GALNT13: variants seen among roughly 807,000 people sequenced by gnomAD.
The protein encoded by GALNT13 is UDP-GalNAc:polypeptide N-acetylgalactosaminyltransferase 13.
A neutral mutation model predicts 64.2 loss-of-function variants in GALNT13; 28 were observed. That is an observed-to-expected ratio of 0.44 (90% CI 0.32 to 0.60). The LOEUF (loss-of-function observed/expected upper bound fraction) is 0.60, where lower values mean the gene tolerates loss of function less well. Ranked by LOEUF, GALNT13 falls within the 20% of genes least tolerant of loss-of-function variation. The pLI is 0.05. For missense variants in GALNT13, 577 were observed against 669.8 expected, an observed-to-expected ratio of 0.86 and a Z score of 1.53; for synonymous variants, 214 against 224.6, an observed-to-expected ratio of 0.95 and a Z score of 0.42.
chr2:154,153,355 A>C (rs922995370), intron 4 of GALNT13, among the ~76,000 whole-genome samples: 2 of 152,122 alleles, frequency 1.3e-5, no homozygotes, highest in African/African-American at 4.8e-5. Flanking sequence ...GGTGCCTCCC[A>C]GTTAGGCTGC....
chr2:153,235,242 C>T, the GALNT13 span, among the ~76,000 whole-genome samples: 3 of 152,246 alleles, frequency 2.0e-5, no homozygotes, highest in African/African-American at 4.8e-5. Context: ...TAAGTATACT[C>T]AGTGGCCCAG....
At chr2:154,118,982 T>TA (rs770395419) in intron 3 of GALNT13, among the ~76,000 whole-genome samples, 1 of 152,148 alleles carries the variant, frequency 6.6e-6, no homozygotes, top group Non-Finnish European at 1.5e-5. Context: ...TTACACACCT[T>TA]ACACACACAT....
chr2:153,378,531 C>T, the GALNT13 span, among the ~76,000 whole-genome samples: 4 of 152,020 alleles, frequency 2.6e-5, no homozygotes, highest in Non-Finnish European at 4.4e-5. Flanking sequence ...GGCTGACCTC[C>T]GTAGGTCACT....
At chr2:154,179,824 T>TA (rs56303526) in intron 4 of GALNT13, among the ~76,000 whole-genome samples, 1,680 of 126,484 alleles carry the variant, frequency 0.013, 26 homozygotes, top group African/African-American at 0.038. Context: ...TCTTCCATGA[T>TA]AAAAAAAAAA....
At chr2:153,995,285 T>G (rs1016977766) in intron 3 of GALNT13, among the ~76,000 whole-genome samples, 1 of 152,146 alleles carries the variant, frequency 6.6e-6, no homozygotes, top group Non-Finnish European at 1.5e-5. Flanking sequence ...ATTTAATAAA[T>G]AAAATTGAAC....
At chr2:154,006,326 TG>T (rs1696247690) in intron 3 of GALNT13, among the ~76,000 whole-genome samples, 1 of 152,136 alleles carries the variant, frequency 6.6e-6, no homozygotes, top group Non-Finnish European at 1.5e-5. Context: ...CTTGGGGTTG[TG>T]GGGTATTGTA....
At chr2:153,562,060 C>CTCTCTCTGTGTGTGTG in the GALNT13 span, among the ~76,000 whole-genome samples, 1 of 118,902 alleles carries the variant, frequency 8.4e-6, no homozygotes, top group African/African-American at 3.8e-5. Flanking sequence ...CTCTCTCTCT[C>CTCTCTCTGTGTGTGTG]TGTGTGTGTG....
At chr2:154,147,912 A>AT (rs1683718163) in intron 4 of GALNT13, among the ~76,000 whole-genome samples, 1 of 144,380 alleles carries the variant, frequency 6.9e-6, no homozygotes. Flanking sequence ...TTTTGCTTTT[A>AT]TTTTTTATTT....
chr2:154,368,696 C>A (rs570904149), intron 9 of GALNT13, among the ~76,000 whole-genome samples: 1 of 152,028 alleles, frequency 6.6e-6, no homozygotes, highest in Non-Finnish European at 1.5e-5. Flanking sequence ...TTTCTTATTA[C>A]TAAAATGAAG....
At chr2:153,719,787 C>G in the GALNT13 span, among the ~76,000 whole-genome samples, 1 of 151,732 alleles carries the variant, frequency 6.6e-6, no homozygotes, top group African/African-American at 2.4e-5. Context: ...AGACTATATC[C>G]CACACCTGGC....
At chr2:153,709,455 A>G in the GALNT13 span, among the ~76,000 whole-genome samples, 1 of 152,162 alleles carries the variant, frequency 6.6e-6, no homozygotes, top group Non-Finnish European at 1.5e-5. Flanking sequence ...CCTCACATCT[A>G]TCAGAATTAG....
chr2:154,234,481 C>A (rs1159040743), intron 4 of GALNT13, among the ~76,000 whole-genome samples: 1 of 152,082 alleles, frequency 6.6e-6, no homozygotes, highest in African/African-American at 2.4e-5. Flanking sequence ...GTTTTCCAGA[C>A]ACAGATCTTG....
At chr2:154,044,150 T>G (rs564274027) in intron 3 of GALNT13, among the ~76,000 whole-genome samples, 45 of 152,218 alleles carry the variant, frequency 3.0e-4, no homozygotes, top group Admixed American at 2.7e-3. Context: ...GGGATCAAGT[T>G]TGAATTGCAT....
intron 9 of GALNT13, among the ~76,000 whole-genome samples, chr2:154,368,469 C>T (rs975065447): frequency 6.6e-6 from 1 of 152,038 alleles, no homozygotes; most frequent in African/African-American, 2.4e-5. Flanking sequence ...AATATCTAGT[C>T]AAATGTCTCC....
At chr2:154,183,136 C>T (rs552105365) in intron 4 of GALNT13, among the ~76,000 whole-genome samples, 1 of 152,240 alleles carries the variant, frequency 6.6e-6, no homozygotes, top group Admixed American at 6.5e-5. Context: ...TGTTAGAATT[C>T]ATCAGTTAAG....
At chr2:154,412,733 G>GT (rs954809635) in intron 11 of GALNT13, among the ~76,000 whole-genome samples, 1 of 151,734 alleles carries the variant, frequency 6.6e-6, no homozygotes, top group African/African-American at 2.4e-5. Flanking sequence ...GTTAATGAAA[G>GT]TTTTTGTAGC....
intron 3 of GALNT13, among the ~76,000 whole-genome samples, chr2:154,134,880 A>G (rs1433191116): frequency 2.6e-5 from 4 of 152,112 alleles, no homozygotes; most frequent in Non-Finnish European, 4.4e-5. Context: ...CAGCTACTGA[A>G]GAGGCTGAGG....
intron 9 of GALNT13, among the ~76,000 whole-genome samples, chr2:154,317,074 G>C (rs541143388): frequency 6.6e-6 from 1 of 152,014 alleles, no homozygotes; most frequent in Non-Finnish European, 1.5e-5. Context: ...TTAGCTGGGC[G>C]TGGTGGTATG....
the GALNT13 span, among the ~76,000 whole-genome samples, chr2:153,543,018 T>C: frequency 1.1e-4 from 16 of 152,346 alleles, no homozygotes; most frequent in Middle Eastern, 6.8e-3. Context: ...GATAAAAATA[T>C]ATCTGTAAAT....
Sources: gnomAD v4.1 joint callset for allele counts (sites outside exome capture counted in the v4.1 genomes callset) on GRCh38, gnomAD v4.1.1 for gene constraint, MANE v1.5 for transcripts, NCBI Gene and HGNC (gene_info 2026-07-23, HGNC 2026-07-21) for gene names.